Variants in UGT1A7 observed in about 807,000 individuals in gnomAD.
UGT1A7 encodes the protein UDP glucuronosyltransferase family 1 member A7.
Under a neutral mutation model 45.6 loss-of-function variants are expected in UGT1A7, and 33 were observed. The ratio of observed to expected loss-of-function variants is 0.72; its 90% CI spans 0.55 to 0.97. The LOEUF is 0.97. Ranked by LOEUF, UGT1A7 falls within the 50% of genes least tolerant of loss-of-function variation. The pLI, the probability that UGT1A7 is intolerant of heterozygous loss-of-function variation, is 0.00. For synonymous variants in UGT1A7, 274 were observed against 250.6 expected, an observed-to-expected ratio of 1.09 and a Z score of -0.88; for missense variants, 684 against 666.2, an observed-to-expected ratio of 1.03 and a Z score of -0.29.
chr2:233,682,243 G>A lies in UGT1A7; in HGVS notation c.306G>A (p.Leu102=), dbSNP rs200147039. The A allele has an allele frequency of 1.9e-6, 3 of 1,614,068 alleles. No homozygotes were observed. The highest frequency in any genetic ancestry group is 2.5e-6 in the Non-Finnish European group (3 of 1,180,040). ...CCGATGCTCGCTGGACGGCACCATT[G>A]CGAAGTGCATTTTCTCTATTAACAA... is the stretch of plus-strand genomic sequence containing the variant. ...VFADARWTAP[L]RSAFSLLTSS... Residue 102 remains leucine, a synonymous_variant, in exon 1 of 5, where the codon TTG becomes TTA. Transcript: ENST00000373426.
rs1203076441 is a variant in UGT1A7, at chr2:233,734,271, G to C, written c.856-32763G>C. Among the ~76,000 whole-genome samples, 2 of 152,098 alleles carry C rather than the reference G, an allele frequency of 1.3e-5. 1 individual carries two copies. The highest frequency in any genetic ancestry group is 1.3e-4 in the Admixed American group (2 of 15,272). ...GTCTTGGGAGGGTGTATGTGTCCAG[G>C]AATTTATCCATTTCTTCTAGATTTT... On this transcript the variant is annotated intron_variant, in intron 1 of 4. Coordinates refer to ENST00000373426, the MANE Select transcript of UGT1A7 (RefSeq NM_019077.3).
intron 1 of UGT1A7, among the ~76,000 whole-genome samples, chr2:233,724,344 CCCCCA>C (rs2077230928): frequency 6.9e-6 from 1 of 144,984 alleles, no homozygotes; most frequent in East Asian, 2.2e-4. Flanking sequence ...GGGCTGACCC[CCCCCA>C]CCTCCCTCCC....
At chr2:233,726,906 T>G (rs1286190236) in intron 1 of UGT1A7, among the ~76,000 whole-genome samples, 2 of 152,198 alleles carry the variant, frequency 1.3e-5, no homozygotes, top group Non-Finnish European at 2.9e-5. Flanking sequence ...TTCAATTATC[T>G]CCTTTTTTCC....
intron 1 of UGT1A7, among the ~76,000 whole-genome samples, chr2:233,738,666 G>A (rs919948655): frequency 6.6e-6 from 1 of 152,198 alleles, no homozygotes; most frequent in Non-Finnish European, 1.5e-5. Flanking sequence ...GAACTTGAGA[G>A]AGATGATCTG....
intron 1 of UGT1A7, among the ~76,000 whole-genome samples, chr2:233,736,484 A>T (rs1388526766): frequency 6.6e-6 from 1 of 152,156 alleles, no homozygotes; most frequent in Admixed American, 6.5e-5. Context: ...GAGGTTTGTT[A>T]CTACCAAACT....
chr2:233,682,664 G>A lies in UGT1A7; in HGVS notation c.727G>A (p.Asp243Asn). ...TCTCCAAACCCCTGTCACGGCATAT[G>A]ATCTCTACAGCCACACATCAATTTG... is the stretch of plus-strand genomic sequence containing the variant. The part of the protein sequence containing the change: ...EILQTPVTAY[D>N]LYSHTSIWLL... Residue 243 changes from aspartate to asparagine, a missense_variant, in exon 1 of 5, where the codon GAT becomes AAT. Physicochemically the swap from Asp to Asn is conservative, Grantham distance 23. Coordinates refer to ENST00000373426, the MANE Select transcript of UGT1A7 (RefSeq NM_019077.3). 2 of 1,613,842 alleles carry A rather than the reference G, an allele frequency of 1.2e-6. No individual in the cohort carries two copies. Among genetic ancestry groups the A allele is most frequent in the Non-Finnish European group, 1.7e-6 (2 of 1,179,808 alleles).
chr2:233,697,564 T>C (rs2075398532), intron 1 of UGT1A7, among the ~76,000 whole-genome samples: 1 of 151,906 alleles, frequency 6.6e-6, no homozygotes, highest in Non-Finnish European at 1.5e-5. Flanking sequence ...TTAGCCTCAA[T>C]TTAATTTATT....
At position 233,719,049 on chromosome 2, in the gene UGT1A7, C is replaced by G. The variant is rs544702876; in HGVS notation, c.855+36257C>G. 2.5e-6 allele frequency: 4 copies of G among 1,614,286 alleles called. No individual in the cohort carries two copies. The East Asian group carries it at 6.7e-5, about 27-fold the overall frequency. ...CATCAAAGAAGAGAAATTTTTCACCCTGACAGCCTATGCTGTTCCATGGAC... is the reference window on the plus strand; with the variant it reads ...CATCAAAGAAGAGAAATTTTTCACCGTGACAGCCTATGCTGTTCCATGGAC... On this transcript the variant is annotated intron_variant, in intron 1 of 4. Transcript: ENST00000373426.
intron 1 of UGT1A7, chr2:233,755,784 A>C (rs1162411110): frequency 6.6e-6 from 1 of 152,660 alleles, no homozygotes; most frequent in Non-Finnish European, 1.5e-5. Context: ...TATGCCTATC[A>C]TATGTACTGC....
At chr2:233,756,340 T>C (rs1696187802) in intron 1 of UGT1A7, 1 of 152,248 alleles carries the variant, frequency 6.6e-6, no homozygotes, top group Non-Finnish European at 1.5e-5. Flanking sequence ...AGTCATCTCT[T>C]GATTACTTTT....
chr2:233,729,418 C>CG, intron 1 of UGT1A7: 1 of 1,613,756 alleles, frequency 6.2e-7, no homozygotes, highest in South Asian at 1.1e-5. Flanking sequence ...GGGCCACACT[C>CG]AACTGTACTT....
intron 1 of UGT1A7, chr2:233,747,809 G>A (rs955692001): frequency 4.3e-6 from 7 of 1,613,214 alleles, no homozygotes; most frequent in Admixed American, 3.3e-5. Flanking sequence ...AGTTACTAAC[G>A]ACCAATTCAG....
intron 1 of UGT1A7, among the ~76,000 whole-genome samples, chr2:233,732,578 C>T (rs902333577): frequency 6.6e-6 from 1 of 152,146 alleles, no homozygotes; most frequent in Non-Finnish European, 1.5e-5. Context: ...TTCCCCATTG[C>T]TTGTTTTTGT....
Position 233,713,763 on chromosome 2 carries a change from C to G in UGT1A7, c.855+30971C>G, listed in dbSNP as rs145951104. 4 of 1,613,766 alleles carry G rather than the reference C, an allele frequency of 2.5e-6. No individual in the cohort carries two copies. In the African/African-American group the frequency reaches 4.0e-5, roughly 16 times the overall value. On this transcript the variant is annotated intron_variant, in intron 1 of 4. Transcript: ENST00000373426. Reference sequence around the variant, plus strand: ...CAGCCATGCATCTGTGTGGCTGTTCCGAGGGGACTTTGTGATGGATTACCC... The same window carrying G: ...CAGCCATGCATCTGTGTGGCTGTTCGGAGGGGACTTTGTGATGGATTACCC...
At chr2:233,764,109 T>C (rs1698482048) in intron 1 of UGT1A7, among the ~76,000 whole-genome samples, 2 of 152,214 alleles carry the variant, frequency 1.3e-5, no homozygotes, top group African/African-American at 2.4e-5. Flanking sequence ...TACAAAATTC[T>C]TGGTAAAGTT....
At chr2:233,736,278 A>G (rs1329214759) in intron 1 of UGT1A7, among the ~76,000 whole-genome samples, 1 of 152,040 alleles carries the variant, frequency 6.6e-6, no homozygotes, top group African/African-American at 2.4e-5. Flanking sequence ...AGTCACTGAT[A>G]CCCTTTCTTC....
intron 1 of UGT1A7, chr2:233,719,283 A>G: frequency 1.2e-6 from 2 of 1,614,074 alleles, no homozygotes; most frequent in Non-Finnish European, 1.7e-6. Flanking sequence ...AGACCCCGTT[A>G]ACCTCTGTGG....
rs540500479 is a variant in UGT1A7 at position 233,771,122 on chromosome 2, G to A, written c.1296-1140G>A. On this transcript the variant is annotated intron_variant, in intron 4 of 4. Coordinates refer to ENST00000373426, the MANE Select transcript of UGT1A7 (RefSeq NM_019077.3). ...GACAGCACTAAAGCACAAGGGATCCGACCCCATGATCCAAACACCTCCCAC... is the reference window on the plus strand; with the variant it reads ...GACAGCACTAAAGCACAAGGGATCCAACCCCATGATCCAAACACCTCCCAC... 7.1e-4 allele frequency: 108 copies of A among 152,186 alleles called. 1 individual carries two copies. The highest frequency in any genetic ancestry group is 2.5e-3 in the African/African-American group (104 of 41,518). 9.4% of individuals were successfully genotyped at this position (152,186 alleles called of 1,614,324 possible). A position where few individuals can be genotyped will look rare whatever the true frequency, so the allele number is the denominator to read the frequency against.
intron 1 of UGT1A7, among the ~76,000 whole-genome samples, chr2:233,688,893 G>A (rs1289249191): frequency 6.6e-6 from 1 of 152,152 alleles, no homozygotes; most frequent in Admixed American, 6.5e-5. Flanking sequence ...AATCTTGGGA[G>A]AAGTTGGGGG....
Sources: gnomAD v4.1 joint callset for allele counts (sites outside exome capture counted in the v4.1 genomes callset) on GRCh38, gnomAD v4.1.1 for gene constraint, MANE v1.5 for transcripts, NCBI Gene and HGNC (gene_info 2026-07-23, HGNC 2026-07-21) for gene names.